Variants in MBOAT2 observed in about 807,000 individuals in gnomAD.
MBOAT2 encodes the protein membrane bound glycerophospholipid O-acyltransferase 2.
A neutral mutation model predicts 63.4 loss-of-function variants in MBOAT2; 28 were observed. The observed-to-expected ratio is 0.44, with a 90% CI of 0.33 to 0.61. The LOEUF (loss-of-function observed/expected upper bound fraction) is 0.61, where lower values mean the gene tolerates loss of function less well. Among genes scored for constraint, MBOAT2 ranks in the 20% least tolerant of loss-of-function variants. MBOAT2 has a pLI of 0.03. For missense variants in MBOAT2, 470 were observed against 605.8 expected, an observed-to-expected ratio of 0.78 and a Z score of 2.35; for synonymous variants, 211 against 215.6, an observed-to-expected ratio of 0.98 and a Z score of 0.19.
At chr2:8,998,628 A>T (rs1046146578) in intron 1 of MBOAT2, among the ~76,000 whole-genome samples, 4 of 151,742 alleles carry the variant, frequency 2.6e-5, no homozygotes, top group Non-Finnish European at 5.9e-5. Context: ...GGGGTTGGGA[A>T]TATATAGAAA....
intron 1 of MBOAT2, among the ~76,000 whole-genome samples, chr2:8,985,710 A>C (rs1010252826): frequency 4.6e-5 from 7 of 152,120 alleles, no homozygotes; most frequent in Non-Finnish European, 8.8e-5. Flanking sequence ...ACCTTCAAGT[A>C]TATGCCAAAT....
At chr2:8,903,528 TC>T (rs1338436575) in intron 4 of MBOAT2, among the ~76,000 whole-genome samples, 7 of 152,088 alleles carry the variant, frequency 4.6e-5, no homozygotes, top group African/African-American at 1.7e-4. Context: ...ACCACAGAAA[TC>T]AACATATTCC....
chr2:8,965,171 T>C lies in MBOAT2; in HGVS notation c.76-6529A>G, dbSNP rs1240188144. Among the ~76,000 whole-genome samples the C allele has an allele frequency of 3.3e-5, 5 of 152,244 alleles. No homozygotes were observed. In the South Asian group the frequency reaches 1.0e-3, roughly 32 times the overall value. ...TTTAGTTTTTTTAAAAAACAGAAAA[T>C]AGTTCAAGTGTAATTATATCATTGA... On this transcript the variant is annotated intron_variant, in intron 1 of 12. Coordinates refer to ENST00000305997, the MANE Select transcript of MBOAT2 (RefSeq NM_138799.4).
chr2:8,927,005 G>C lies in MBOAT2; in HGVS notation c.299+16182C>G, dbSNP rs1007476680. Among the ~76,000 whole-genome samples the C allele has an allele frequency of 2.0e-5, 3 of 152,198 alleles. No individual in the cohort carries two copies. In the South Asian group the frequency reaches 6.2e-4, roughly 31 times the overall value. On this transcript the variant is annotated intron_variant, in intron 3 of 12. Coordinates refer to ENST00000305997, the MANE Select transcript of MBOAT2 (RefSeq NM_138799.4). ...AAAGCACAGACAGGTCTTAGTGATG[G>C]CTAGATGTGGAGGTGAGAAGGAAGA...
chr2:8,922,088 A>G (rs1265825795), intron 3 of MBOAT2, among the ~76,000 whole-genome samples: 1 of 152,034 alleles, frequency 6.6e-6, no homozygotes, highest in Non-Finnish European at 1.5e-5. Flanking sequence ...TTTTTTCTTC[A>G]GATTGGCTAA....
chr2:8,979,299 A>G (rs569239200), intron 1 of MBOAT2, among the ~76,000 whole-genome samples: 6 of 152,288 alleles, frequency 3.9e-5, no homozygotes, highest in South Asian at 2.1e-4. Flanking sequence ...AATCACTTAC[A>G]TAATACACTA....
chr2:8,861,160 GTA>G (rs1661467411), intron 11 of MBOAT2: 1 of 152,568 alleles, frequency 6.6e-6, no homozygotes. Flanking sequence ...GTAAAATATA[GTA>G]TATAAATAAA....
intron 1 of MBOAT2, among the ~76,000 whole-genome samples, chr2:8,965,264 T>C (rs77234283): frequency 0.022 from 3,290 of 152,298 alleles, 132 homozygotes; most frequent in African/African-American, 0.075. Context: ...ACCTATTTCC[T>C]ACTTAAACCA....
At chr2:8,961,465 C>T (rs1189725600) in intron 1 of MBOAT2, among the ~76,000 whole-genome samples, 3 of 152,136 alleles carry the variant, frequency 2.0e-5, no homozygotes, top group Non-Finnish European at 4.4e-5. Context: ...GAGGCTTAGG[C>T]ACACATGAAG....
At chr2:8,958,436 A>G in intron 2 of MBOAT2, 61 bp downstream of exon 2, 3 of 1,442,874 alleles carry the variant, frequency 2.1e-6, no homozygotes, top group Non-Finnish European at 2.8e-6. Context: ...CTTTCCACAC[A>G]CTCAATTCTC....
At position 8,853,892 on chromosome 2, in the gene MBOAT2, G is replaced by A. The variant is rs1397607660; in HGVS notation, c.*4787C>T. The A allele has an allele frequency of 2.6e-5, 4 of 152,116 alleles. No individual in the cohort carries two copies. Among genetic ancestry groups the A allele is most frequent in the Non-Finnish European group, 4.4e-5 (3 of 67,998 alleles). 9.4% of individuals were successfully genotyped at this position (152,116 alleles called of 1,614,324 possible). On this transcript the variant is annotated 3_prime_UTR_variant, in exon 13 of 13. Transcript: ENST00000305997. ...TTTCCCAGTCAATGGCCTATGGAAC[G>A]TGTCAGTTCTTTATTGGGATTTGCA...
intron 6 of MBOAT2, among the ~76,000 whole-genome samples, chr2:8,882,211 T>C (rs1170869944): frequency 1.3e-5 from 2 of 152,252 alleles, no homozygotes; most frequent in Non-Finnish European, 2.9e-5. Context: ...AAGACAATAC[T>C]ATCCTCCTGT....
At chr2:8,912,422 C>T (rs573802627) in intron 3 of MBOAT2, among the ~76,000 whole-genome samples, 1 of 132,566 alleles carries the variant, frequency 7.5e-6, no homozygotes, top group Non-Finnish European at 1.6e-5. Flanking sequence ...AAAGACAGGC[C>T]GGCCGGCCTT....
rs1346383369 is a variant in MBOAT2, at chr2:8,858,491, C to T, written c.*188G>A. The T allele has an allele frequency of 5.7e-5, 31 of 541,646 alleles. No homozygotes were observed. In the East Asian group the frequency reaches 6.4e-4, roughly 11 times the overall value. The allele number at this position is 541,646 out of a possible 1,614,324, so 33.6% of individuals were successfully genotyped here. On this transcript the variant is annotated 3_prime_UTR_variant, in exon 13 of 13. Coordinates refer to ENST00000305997, the MANE Select transcript of MBOAT2 (RefSeq NM_138799.4). ...ATATTCTTACATAAGGCGTGGCCCACGGAGACATGGCATGGGAGGGCTTGT... is the reference window on the plus strand; with the variant it reads ...ATATTCTTACATAAGGCGTGGCCCATGGAGACATGGCATGGGAGGGCTTGT...
chr2:8,953,566 G>A (rs1433376089), intron 2 of MBOAT2, among the ~76,000 whole-genome samples: 1 of 152,044 alleles, frequency 6.6e-6, no homozygotes, highest in African/African-American at 2.4e-5. Context: ...TCTCTCTCAG[G>A]AATGCTAATA....
intron 1 of MBOAT2, among the ~76,000 whole-genome samples, chr2:8,971,351 C>T (rs1386282251): frequency 8.5e-5 from 13 of 152,092 alleles, no homozygotes; most frequent in South Asian, 2.1e-4. Context: ...AAATTAGGTA[C>T]TGATGGGACG....
At chr2:8,966,489 T>C (rs1407057152) in intron 1 of MBOAT2, among the ~76,000 whole-genome samples, 2 of 152,192 alleles carry the variant, frequency 1.3e-5, no homozygotes, top group East Asian at 1.9e-4. Flanking sequence ...TTCCCCAGTC[T>C]GAAATGAGAC....
At chr2:8,995,519 T>C (rs1330549174) in intron 1 of MBOAT2, among the ~76,000 whole-genome samples, 2 of 152,214 alleles carry the variant, frequency 1.3e-5, no homozygotes, top group African/African-American at 4.8e-5. Context: ...AATAGCACAA[T>C]TACACTGCCT....
intron 6 of MBOAT2, among the ~76,000 whole-genome samples, chr2:8,879,909 G>A (rs1009663531): frequency 9.2e-5 from 14 of 152,086 alleles, no homozygotes; most frequent in African/African-American, 2.7e-4. Context: ...GCAAAGGGAC[G>A]GAAAGTGATG....
Sources: allele counts gnomAD v4.1 joint callset (sites outside exome capture counted in the v4.1 genomes callset), GRCh38; gene constraint gnomAD v4.1.1; transcripts MANE v1.5; gene names NCBI Gene and HGNC (gene_info 2026-07-23, HGNC 2026-07-21).